BTBD7: variants seen among roughly 807,000 people sequenced by gnomAD.
BTBD7 encodes BTB domain containing 7.
A neutral mutation model predicts 99.9 loss-of-function variants in BTBD7; 38 were observed. The ratio of observed to expected loss-of-function variants is 0.38; its 90% confidence interval spans 0.29 to 0.50. BTBD7 has a LOEUF of 0.50. BTBD7 is among the 20% of genes least tolerant of loss of function. The pLI, the probability that BTBD7 is intolerant of heterozygous loss-of-function variation, is 0.93. For missense variants in BTBD7, 1,170 were observed against 1,394.6 expected (o/e 0.84, Z 2.57); for synonymous variants, 520 against 511.4 (o/e 1.02, Z -0.23).
In BTBD7 at chr14:93,331,206, G is replaced by C. The variant is rs141550365; in HGVS notation, c.-107+1614C>G. Among the ~76,000 whole-genome samples the C allele has an allele frequency of 2.0e-4, 31 of 152,296 alleles. No homozygotes were observed. In the East Asian group the frequency reaches 5.4e-3, roughly 27 times the overall value. Reference sequence around the variant, plus strand: ...TTATTACACCAAAACCCTATGGATAGGGGTAGGTAGTGAATGGTGAAGAAT... The same window carrying C: ...TTATTACACCAAAACCCTATGGATACGGGTAGGTAGTGAATGGTGAAGAAT... On this transcript the variant is annotated intron_variant, in intron 1 of 10. Coordinates refer to ENST00000334746, the MANE Select transcript of BTBD7 (RefSeq NM_001002860.4).
chr14:93,279,805 A>G (rs776721046), intron 3 of BTBD7, among the ~76,000 whole-genome samples: 6 of 152,168 alleles, frequency 3.9e-5, no homozygotes, highest in Admixed American at 2.0e-4. Context: ...GTTCTGGCAC[A>G]CAGTAAGAGC....
chr14:93,294,060 T>A lies in BTBD7; in HGVS notation c.960A>T (p.Ile320=), dbSNP rs1290295881. The A allele has an allele frequency of 6.2e-7, 1 of 1,614,012 alleles. No individual in the cohort carries two copies. The highest frequency in any genetic ancestry group is 1.1e-5 in the South Asian group (1 of 91,062). The change falls in exon 3 of 11, where the codon ATA becomes ATT. Residue 320 remains isoleucine (I), a synonymous_variant. Transcript: ENST00000334746. ...PTRIILDESI[I]PKKYATVILH... ...ATATCACTGTTGCATATTTTTTTGG[T>A]ATAATGGACTCATCTAATATAATTC...
rs537681589 is a variant in BTBD7, at chr14:93,304,362, T to A, written c.-106-8205A>T. 9.5e-4 allele frequency among the ~76,000 whole-genome samples: 144 copies of A among 152,368 alleles called. 2 individuals carry two copies. The highest frequency in any genetic ancestry group is 3.3e-3 in the African/African-American group (139 of 41,588). ...ATTTGAGTTTATTATTTATTTATTT[T>A]TATTTTTGAGACGGAGTCTCGTGCT... On this transcript the variant is annotated intron_variant, in intron 1 of 10. Coordinates refer to ENST00000334746, the MANE Select transcript of BTBD7 (RefSeq NM_001002860.4).
At chr14:93,258,446 A>G (rs2052454236) in intron 5 of BTBD7, among the ~76,000 whole-genome samples, 3 of 152,212 alleles carry the variant, frequency 2.0e-5, no homozygotes, top group African/African-American at 7.2e-5. Flanking sequence ...GAAACCCCCA[A>G]ATATGTGACA....
chr14:93,322,536 A>C (rs1405738502), intron 1 of BTBD7, among the ~76,000 whole-genome samples: 1 of 152,220 alleles, frequency 6.6e-6, no homozygotes, highest in Non-Finnish European at 1.5e-5. Flanking sequence ...GAACACATAA[A>C]AAATACAGAA....
At chr14:93,260,028 T>C (rs920840939) in intron 5 of BTBD7, among the ~76,000 whole-genome samples, 2 of 152,162 alleles carry the variant, frequency 1.3e-5, no homozygotes, top group African/African-American at 4.8e-5. Context: ...AATCTGAGAA[T>C]TGCTAAAGGT....
At chr14:93,265,922 GAAAC>G (rs907430147) in intron 3 of BTBD7, among the ~76,000 whole-genome samples, 9 of 152,054 alleles carry the variant, frequency 5.9e-5, no homozygotes, top group South Asian at 2.1e-4. Context: ...ACTCTGTCTC[GAAAC>G]AAACAAACAA....
intron 1 of BTBD7, among the ~76,000 whole-genome samples, chr14:93,317,485 G>A (rs1479899001): frequency 6.6e-6 from 1 of 151,932 alleles, no homozygotes; most frequent in East Asian, 1.9e-4. Flanking sequence ...TGAGACTACA[G>A]AGGCACACAC....
At chr14:93,247,844 TTTC>T (rs1174033504) in intron 9 of BTBD7, among the ~76,000 whole-genome samples, 4 of 152,260 alleles carry the variant, frequency 2.6e-5, no homozygotes, top group African/African-American at 9.6e-5. Context: ...AAATGAGTTT[TTTC>T]TTTTTTCCTG....
At chr14:93,310,736 T>C (rs2053126945) in intron 1 of BTBD7, among the ~76,000 whole-genome samples, 1 of 151,744 alleles carries the variant, frequency 6.6e-6, no homozygotes, top group South Asian at 2.1e-4. Flanking sequence ...AGTGACTCTG[T>C]TTCCAAAAAC....
At chr14:93,248,922 A>G (rs1041709908) in intron 8 of BTBD7, among the ~76,000 whole-genome samples, 14 of 152,202 alleles carry the variant, frequency 9.2e-5, no homozygotes, top group African/African-American at 3.4e-4. Flanking sequence ...TTTTACTTGC[A>G]TGTATTCTTG....
chr14:93,324,424 A>AAAAAAAATAAAAAT (rs1273541939), intron 1 of BTBD7, among the ~76,000 whole-genome samples: 13 of 130,378 alleles, frequency 1.0e-4, no homozygotes, highest in African/African-American at 4.2e-4. Flanking sequence ...CCTGTCTCAA[A>AAAAAAAATAAAAAT]AAAAAAAAAA....
intron 1 of BTBD7, among the ~76,000 whole-genome samples, chr14:93,329,777 A>C (rs551164495): frequency 1.3e-5 from 2 of 152,172 alleles, no homozygotes; most frequent in Non-Finnish European, 2.9e-5. Context: ...TGTGGGTGCC[A>C]GGGGCTGGGG....
At chr14:93,311,945 G>T in intron 1 of BTBD7, among the ~76,000 whole-genome samples, 2 of 149,184 alleles carry the variant, frequency 1.3e-5, no homozygotes, top group Middle Eastern at 3.4e-3. Context: ...ACATTTAAGT[G>T]AGTATAAAGT....
At chr14:93,310,462 T>C (rs982916049) in intron 1 of BTBD7, among the ~76,000 whole-genome samples, 4 of 152,226 alleles carry the variant, frequency 2.6e-5, no homozygotes, top group African/African-American at 4.8e-5. Flanking sequence ...TTGTTTCCTA[T>C]AGTTTGGATT....
At chr14:93,278,682 G>C (rs965875490) in intron 3 of BTBD7, among the ~76,000 whole-genome samples, 2 of 152,160 alleles carry the variant, frequency 1.3e-5, no homozygotes, top group Non-Finnish European at 2.9e-5. Flanking sequence ...GTGGAAGTAC[G>C]TATTTTATAA....
At chr14:93,269,225 TATA>T (rs1439943374) in intron 3 of BTBD7, among the ~76,000 whole-genome samples, 2 of 152,224 alleles carry the variant, frequency 1.3e-5, no homozygotes, top group African/African-American at 4.8e-5. Context: ...AGATTTATCT[TATA>T]ATGTCAAAAT....
rs1002084602 is a variant in BTBD7, at chr14:93,293,863, G to C, written c.1157C>G (p.Ala386Gly). 1 of 1,605,064 alleles carries C rather than the reference G, an allele frequency of 6.2e-7. No individual in the cohort carries two copies. The highest frequency in any genetic ancestry group is 8.5e-7 in the Non-Finnish European group (1 of 1,177,110). ...IALFLEFNML[A>G]QGCEDIIAES... The stretch of plus-strand genomic sequence containing the variant: ...TAAAAACCAGAACTTCATACCTTGT[G>C]CAAGCATGTTAAATTCCAAGAACAG... Residue 386 changes from alanine to glycine, a missense_variant, in exon 3 of 11, where the codon GCA (alanine) becomes GGA (glycine). Transcript: ENST00000334746.
At chr14:93,243,114 G>T in intron 10 of BTBD7, 26 bp from the exon 11 acceptor site, 1 of 1,584,516 alleles carries the variant, frequency 6.3e-7, no homozygotes, top group Non-Finnish European at 8.6e-7. Context: ...AAAATGGTGG[G>T]AGGGTTAAAA....
Sources: gnomAD v4.1 joint callset for allele counts (sites outside exome capture counted in the v4.1 genomes callset) on GRCh38, gnomAD v4.1.1 for gene constraint, MANE v1.5 for transcripts, NCBI Gene and HGNC (gene_info 2026-07-23, HGNC 2026-07-21) for gene names.